Variants in TANC2 observed in about 807,000 individuals in gnomAD.
TANC2 encodes protein TANC2.
A neutral mutation model predicts 210.5 loss-of-function variants in TANC2; 26 were observed. That is an observed-to-expected ratio of 0.12 (90% confidence interval 0.09 to 0.17). TANC2 has a LOEUF of 0.17. TANC2 is among the 10% of genes least tolerant of loss of function. The pLI is 1.00. For missense variants in TANC2, 2,129 were observed against 2,608.9 expected (o/e 0.82, Z 4.01); for synonymous variants, 931 against 967.1 (o/e 0.96, Z 0.69).
intron 3 of TANC2, among the ~76,000 whole-genome samples, chr17:63,086,690 G>T (rs1489790978): frequency 6.6e-6 from 1 of 152,284 alleles, no homozygotes; most frequent in African/African-American, 2.4e-5. Context: ...GCTGTTGAGA[G>T]GTGAAGCCAG....
chr17:63,181,694 T>C (rs538784658), intron 5 of TANC2, among the ~76,000 whole-genome samples: 132 of 152,316 alleles, frequency 8.7e-4, no homozygotes, highest in African/African-American at 3.0e-3. Context: ...CTCGGAATGA[T>C]TGAACCTCCA....
At chr17:63,053,435 T>A (rs1391671050) in intron 2 of TANC2, among the ~76,000 whole-genome samples, 1 of 152,214 alleles carries the variant, frequency 6.6e-6, no homozygotes, top group Non-Finnish European at 1.5e-5. Flanking sequence ...ATAAAACCCC[T>A]TCTTTGTTTC....
At chr17:63,405,872 C>T (rs937469581) in intron 20 of TANC2, among the ~76,000 whole-genome samples, 8 of 152,284 alleles carry the variant, frequency 5.3e-5, no homozygotes, top group African/African-American at 1.9e-4. Context: ...TTGGAACTTC[C>T]GCTATGGGAT....
intron 14 of TANC2, among the ~76,000 whole-genome samples, chr17:63,366,462 A>G (rs2047112998): frequency 6.6e-6 from 1 of 152,132 alleles, no homozygotes; most frequent in Non-Finnish European, 1.5e-5. Flanking sequence ...TCCTATGACT[A>G]CCGTTGGTGT....
intron 19 of TANC2, 110 bp from the exon 20 acceptor site, chr17:63,405,012 G>T: frequency 8.0e-7 from 1 of 1,249,804 alleles, no homozygotes; most frequent in East Asian, 2.7e-5. Context: ...ATTATTCTTA[G>T]AAGTAAAGTA....
chr17:63,014,251 A>G (rs1044470591), intron 2 of TANC2, among the ~76,000 whole-genome samples: 11 of 152,090 alleles, frequency 7.2e-5, no homozygotes, highest in African/African-American at 2.4e-4. Flanking sequence ...TTGGTGAGAC[A>G]TTGTTCTCAT....
intron 2 of TANC2, among the ~76,000 whole-genome samples, chr17:63,023,075 A>G (rs1162044159): frequency 6.6e-6 from 1 of 152,244 alleles, no homozygotes; most frequent in Non-Finnish European, 1.5e-5. Context: ...AAAACTTGCC[A>G]TGGGGTGGAG....
chr17:63,220,661 G>A (rs1200324683), intron 7 of TANC2, among the ~76,000 whole-genome samples: 65 of 141,984 alleles, frequency 4.6e-4, no homozygotes, highest in Non-Finnish European at 8.3e-4. Context: ...CTGAGATCGC[G>A]CCACTGCACT....
At chr17:63,168,344 A>G (rs1465937821) in intron 5 of TANC2, among the ~76,000 whole-genome samples, 1 of 152,164 alleles carries the variant, frequency 6.6e-6, no homozygotes, top group Non-Finnish European at 1.5e-5. Flanking sequence ...CTAATTAGGC[A>G]TTATTTTTCC....
chr17:62,986,658 G>T (rs553020275), intron 1 of TANC2, among the ~76,000 whole-genome samples: 1 of 151,814 alleles, frequency 6.6e-6, no homozygotes, highest in Non-Finnish European at 1.5e-5. Context: ...TAGCCCAGAA[G>T]GGGAGGGATG....
chr17:63,228,781 A>G (rs554719880), intron 7 of TANC2, among the ~76,000 whole-genome samples: 5 of 152,124 alleles, frequency 3.3e-5, no homozygotes, highest in African/African-American at 1.2e-4. Context: ...CATTGATTTT[A>G]TATCCTGAGA....
intron 5 of TANC2, among the ~76,000 whole-genome samples, chr17:63,164,775 A>G (rs2145511546): frequency 6.6e-6 from 1 of 152,304 alleles, no homozygotes; most frequent in South Asian, 2.1e-4. Context: ...GCTCAAGCAG[A>G]GAAAGCAAAT....
At chr17:63,062,463 A>G (rs2036029544) in intron 2 of TANC2, among the ~76,000 whole-genome samples, 1 of 152,192 alleles carries the variant, frequency 6.6e-6, no homozygotes, top group Non-Finnish European at 1.5e-5. Flanking sequence ...AAGAGTACAC[A>G]TGGCTAAACT....
chr17:63,104,623 A>G (rs2144959329), intron 4 of TANC2, among the ~76,000 whole-genome samples: 1 of 152,308 alleles, frequency 6.6e-6, no homozygotes, highest in East Asian at 1.9e-4. Context: ...TGAAAATCCA[A>G]ATATTTCTCA....
chr17:63,379,179 A>T lies in TANC2; in HGVS notation c.2583-539A>T, dbSNP rs1044204357. Reference sequence around the variant, plus strand: ...TCTTGTAATGCCATCTGTGTGTGGGATGGGTGTAAGCCAACTATAACTGAC... The same window carrying T: ...TCTTGTAATGCCATCTGTGTGTGGGTTGGGTGTAAGCCAACTATAACTGAC... On this transcript the variant is annotated intron_variant, in intron 14 of 27. Coordinates refer to ENST00000689528, the Ensembl canonical transcript of TANC2. Among the ~76,000 whole-genome samples the T allele has an allele frequency of 3.3e-5, 5 of 152,236 alleles. No individual in the cohort carries two copies. In the East Asian group the frequency reaches 9.6e-4, roughly 29 times the overall value.
At chr17:63,306,483 G>A (rs1337991609) in intron 9 of TANC2, among the ~76,000 whole-genome samples, 1 of 152,140 alleles carries the variant, frequency 6.6e-6, no homozygotes, top group Non-Finnish European at 1.5e-5. Context: ...CCCAGACTAT[G>A]TACTGATACA....
At chr17:63,149,790 C>G (rs752436831) in intron 4 of TANC2, 1 of 152,104 alleles carries the variant, frequency 6.6e-6, no homozygotes, top group African/African-American at 2.4e-5. Context: ...AAAACAGGCT[C>G]AAGTCTCACA....
At chr17:63,047,305 G>A (rs1389139059) in intron 2 of TANC2, among the ~76,000 whole-genome samples, 1 of 152,100 alleles carries the variant, frequency 6.6e-6, no homozygotes, top group African/African-American at 2.4e-5. Flanking sequence ...ATCTTCTGAC[G>A]GGAGAACATT....
intron 4 of TANC2, among the ~76,000 whole-genome samples, chr17:63,111,812 G>A (rs1422649692): frequency 2.6e-5 from 4 of 151,824 alleles, no homozygotes; most frequent in African/African-American, 9.7e-5. Context: ...TGCAACCTCC[G>A]CCTCCCAGGT....
Sources: gnomAD v4.1 joint callset for allele counts (sites outside exome capture counted in the v4.1 genomes callset) on GRCh38, gnomAD v4.1.1 for gene constraint, MANE v1.5 for transcripts, NCBI Gene and HGNC (gene_info 2026-07-23, HGNC 2026-07-21) for gene names.